The following EIPR1 variants were observed in gnomAD, a reference collection of about 807,000 sequenced individuals.
The protein encoded by EIPR1 is EARP and GARP complex-interacting protein 1.
A neutral mutation model predicts 48.1 loss-of-function variants in EIPR1; 25 were observed. That is an observed-to-expected ratio of 0.52 (90% CI 0.38 to 0.73). The LOEUF is 0.73. Among genes scored for constraint, EIPR1 ranks in the 30% least tolerant of loss-of-function variants. The pLI is 0.00. For synonymous variants in EIPR1, 204 were observed against 201.9 expected (o/e 1.01, Z -0.09); for missense variants, 415 against 506.2 (o/e 0.82, Z 1.73).
intron 4 of EIPR1, among the ~76,000 whole-genome samples, chr2:3,254,789 G>A (rs1026116923): frequency 2.6e-5 from 4 of 152,218 alleles, no homozygotes; most frequent in Non-Finnish European, 5.9e-5. Flanking sequence ...TGACTCTGGT[G>A]GTGGCTACAC....
chr2:3,289,978 C>A (rs1390512684), intron 3 of EIPR1, among the ~76,000 whole-genome samples: 1 of 152,272 alleles, frequency 6.6e-6, no homozygotes, highest in Admixed American at 6.5e-5. Flanking sequence ...CCACACAATG[C>A]CCTCTGATGG....
At chr2:3,339,111 AAT>A (rs1239452272) in intron 2 of EIPR1, among the ~76,000 whole-genome samples, 2 of 152,232 alleles carry the variant, frequency 1.3e-5, no homozygotes, top group Admixed American at 6.5e-5. Context: ...GGAACGATGT[AAT>A]ATATGTTTTA....
rs1298813955 is a variant in EIPR1, at chr2:3,349,616, C to CGGGAGACAGGGACAGGGAGCATGCT, written c.126+4909_126+4933dup. Among the ~76,000 whole-genome samples the CGGGAGACAGGGACAGGGAGCATGCT allele has an allele frequency of 1.2e-3, 177 of 145,354 alleles. 1 individual carries two copies. The highest frequency in any genetic ancestry group is 4.2e-3 in the African/African-American group (162 of 38,752). The stretch of plus-strand genomic sequence containing the variant: ...CAGGAGACGGGGACAGGGAGGACGC[C>CGGGAGACAGGGACAGGGAGCATGCT]GGGAGACAGGGACAGGGAGCATGCT... On this transcript the variant is annotated intron_variant, in intron 2 of 8. Transcript: ENST00000382125.
intron 3 of EIPR1, among the ~76,000 whole-genome samples, chr2:3,264,448 G>A (rs968534728): frequency 1.2e-4 from 19 of 152,178 alleles, no homozygotes; most frequent in African/African-American, 4.3e-4. Flanking sequence ...AGCTTGCCAT[G>A]CCCCAGAAGA....
At chr2:3,232,910 G>A (rs148592972) in intron 4 of EIPR1, among the ~76,000 whole-genome samples, 1 of 39,226 alleles carries the variant, frequency 2.5e-5, no homozygotes, top group African/African-American at 5.6e-5. Flanking sequence ...CCCTAAGTGG[G>A]CATTAAAGAA....
At chr2:3,300,368 A>G (rs1668729316) in intron 3 of EIPR1, among the ~76,000 whole-genome samples, 1 of 152,140 alleles carries the variant, frequency 6.6e-6, no homozygotes, top group African/African-American at 2.4e-5. Flanking sequence ...GTCTATCTAA[A>G]TGCCTTTACA....
intron 3 of EIPR1, chr2:3,319,057 GAA>G: frequency 2.3e-6 from 1 of 435,416 alleles, no homozygotes. Context: ...ACAGAAAGGA[GAA>G]AAGTGTTTAA....
At chr2:3,300,763 A>C (rs1478665151) in intron 3 of EIPR1, 1 of 152,246 alleles carries the variant, frequency 6.6e-6, no homozygotes, top group African/African-American at 2.4e-5. Context: ...TAATGGTCCA[A>C]AAGCGTTTGT....
intron 3 of EIPR1, among the ~76,000 whole-genome samples, chr2:3,336,663 G>T (rs961713364): frequency 1.2e-4 from 18 of 152,096 alleles, no homozygotes; most frequent in Admixed American, 9.2e-4. Context: ...AGCTACTCGG[G>T]AGGCTGAGGC....
intron 5 of EIPR1, among the ~76,000 whole-genome samples, chr2:3,203,589 T>C (rs1387285235): frequency 6.6e-6 from 1 of 152,122 alleles, no homozygotes; most frequent in Non-Finnish European, 1.5e-5. Flanking sequence ...GAGGTGAAGC[T>C]GTGACATGAG....
At chr2:3,370,105 C>G (rs1168348574) in intron 1 of EIPR1, among the ~76,000 whole-genome samples, 1 of 152,148 alleles carries the variant, frequency 6.6e-6, no homozygotes, top group African/African-American at 2.4e-5. Context: ...CTGCAGACAC[C>G]GCTGCTGATA....
intron 3 of EIPR1, among the ~76,000 whole-genome samples, chr2:3,267,446 G>A (rs980857463): frequency 2.0e-5 from 3 of 152,266 alleles, no homozygotes; most frequent in Admixed American, 2.0e-4. Flanking sequence ...GCAGCAGCGG[G>A]TTCTTGGAGA....
At chr2:3,330,973 C>A (rs1175699826) in intron 3 of EIPR1, among the ~76,000 whole-genome samples, 1 of 123,014 alleles carries the variant, frequency 8.1e-6, no homozygotes, top group Non-Finnish European at 1.7e-5. Flanking sequence ...CGCATGTACA[C>A]TCACGAGATG....
intron 3 of EIPR1, among the ~76,000 whole-genome samples, chr2:3,287,386 T>C (rs1668226476): frequency 6.7e-6 from 1 of 150,102 alleles, no homozygotes; most frequent in African/African-American, 2.5e-5. Flanking sequence ...GAAAGCTTGT[T>C]CACCACAATC....
intron 3 of EIPR1, among the ~76,000 whole-genome samples, chr2:3,260,781 T>A (rs1208440912): frequency 6.6e-6 from 1 of 152,136 alleles, no homozygotes; most frequent in Non-Finnish European, 1.5e-5. Context: ...TCAACATTAT[T>A]AATAATTGGA....
In EIPR1 at chr2:3,358,799, G is replaced by A. The variant is rs572562426; in HGVS notation, c.43-4166C>T. Among the ~76,000 whole-genome samples the A allele has an allele frequency of 3.3e-5, 5 of 152,336 alleles. No homozygotes were observed. In the East Asian group the frequency reaches 9.7e-4, roughly 29 times the overall value. ...CAAGGCTGAGCCCCAGGTCAGGAGAGAGAACACCGGGACAGGTCCACCTTC... is the reference window on the plus strand; with the variant it reads ...CAAGGCTGAGCCCCAGGTCAGGAGAAAGAACACCGGGACAGGTCCACCTTC... On this transcript the variant is annotated intron_variant, in intron 1 of 8. Coordinates refer to ENST00000382125, the MANE Select transcript of EIPR1 (RefSeq NM_003310.5).
At chr2:3,250,763 AG>A (rs1382387127) in intron 4 of EIPR1, among the ~76,000 whole-genome samples, 2 of 152,154 alleles carry the variant, frequency 1.3e-5, no homozygotes, top group African/African-American at 4.8e-5. Context: ...TCGCTCAGTT[AG>A]TTCCCACAAG....
At chr2:3,351,269 G>A (rs1450138414) in intron 2 of EIPR1, among the ~76,000 whole-genome samples, 1 of 152,128 alleles carries the variant, frequency 6.6e-6, no homozygotes, top group African/African-American at 2.4e-5. Flanking sequence ...CTGAAGTGCT[G>A]GGATTACATG....
intron 3 of EIPR1, among the ~76,000 whole-genome samples, chr2:3,324,795 C>G (rs536146265): frequency 6.6e-6 from 1 of 152,336 alleles, no homozygotes; most frequent in East Asian, 1.9e-4. Context: ...GCGGCCTGCG[C>G]GCTCAGACTT....
Sources: allele counts gnomAD v4.1 joint callset (sites outside exome capture counted in the v4.1 genomes callset), GRCh38; gene constraint gnomAD v4.1.1; transcripts MANE v1.5; gene names NCBI Gene and HGNC (gene_info 2026-07-23, HGNC 2026-07-21).